Variants in SIPA1L3 observed in about 807,000 individuals in gnomAD.
SIPA1L3 encodes signal-induced proliferation-associated 1-like protein 3.
Under a neutral mutation model 150.1 loss-of-function variants are expected in SIPA1L3, and 59 were observed. That is an observed-to-expected ratio of 0.39 (90% confidence interval 0.32 to 0.49). The LOEUF is 0.49. Among genes scored for constraint, SIPA1L3 ranks in the 20% least tolerant of loss-of-function variants. SIPA1L3 has a pLI of 0.86. For missense variants in SIPA1L3, 2,211 were observed against 2,489.5 expected (o/e 0.89, Z 2.38); for synonymous variants, 1,070 against 1,077.6 (o/e 0.99, Z 0.14).
intron 1 of SIPA1L3, among the ~76,000 whole-genome samples, chr19:37,987,307 A>G (rs1411549176): frequency 6.6e-6 from 1 of 152,182 alleles, no homozygotes. Flanking sequence ...TCAAGGGCCT[A>G]GAAGTCTGCT....
intron 15 of SIPA1L3, among the ~76,000 whole-genome samples, chr19:38,178,092 TG>T: frequency 4.9e-5 from 1 of 20,414 alleles, no homozygotes; most frequent in South Asian, 1.4e-3. Context: ...TTTTGGTGTG[TG>T]TGTGTGTGTG....
At chr19:38,168,109 G>A (rs370903832) in intron 15 of SIPA1L3, among the ~76,000 whole-genome samples, 32 of 152,244 alleles carry the variant, frequency 2.1e-4, no homozygotes, top group Admixed American at 1.2e-3. Flanking sequence ...CTCCCAGGCC[G>A]GGCACGGTGG....
At chr19:38,022,527 G>A (rs1443986219) in intron 1 of SIPA1L3, among the ~76,000 whole-genome samples, 2 of 147,582 alleles carry the variant, frequency 1.4e-5, no homozygotes, top group East Asian at 2.0e-4. Context: ...GTGAAACCCC[G>A]TCTCTACTAA....
In SIPA1L3 at chr19:38,081,556, C is replaced by T. The variant is rs1230906002; in HGVS notation, c.-10C>T. ...GTACGGGGCCAGCAGCACTCCAGTG[C>T]CCGTGGACTATGACCACCTATCGGG... On this transcript the variant is annotated 5_prime_UTR_variant, in exon 3 of 22. Transcript: ENST00000222345. 1.3e-6 allele frequency: 2 copies of T among 1,567,382 alleles called. No individual in the cohort carries two copies. Among genetic ancestry groups the T allele is most frequent in the Non-Finnish European group, 1.7e-6 (2 of 1,153,168 alleles).
Position 38,130,657 on chromosome 19 carries a change from A to G in SIPA1L3, c.3028A>G (p.Ile1010Val), listed in dbSNP as rs1971287124. The change falls in exon 10 of 22, where the codon ATC (isoleucine) becomes GTC (valine). Residue 1010 changes from isoleucine (I) to valine (V), a missense_variant. Around this residue, in one of 5 missense-constraint regions of SIPA1L3, gnomAD observed 625 missense variants for 804.2 expected, o/e 0.78. Transcript: ENST00000222345. ...GLRQGSRLVE[I>V]CKVAVVTLTH... is the part of the protein sequence containing the mutation. ...CCGGCAGGGCAGCCGACTAGTGGAG[A>G]TCTGCAAGGTGGCCGTGGTCACACT... The G allele has an allele frequency of 6.2e-7, 1 of 1,613,722 alleles. No homozygotes were observed. The highest frequency in any genetic ancestry group is 8.5e-7 in the Non-Finnish European group (1 of 1,180,026).
chr19:38,084,141 T>C (rs1970070926), intron 3 of SIPA1L3, among the ~76,000 whole-genome samples: 2 of 147,800 alleles, frequency 1.4e-5, no homozygotes, highest in South Asian at 4.2e-4. Context: ...TGGTCAGCCT[T>C]AGTGCATGGC....
At chr19:38,084,577 G>T (rs1970081546) in intron 3 of SIPA1L3, among the ~76,000 whole-genome samples, 3 of 131,994 alleles carry the variant, frequency 2.3e-5, no homozygotes, top group South Asian at 2.5e-4. Context: ...AAAAGACGAA[G>T]TACTAGCAGC....
chr19:38,180,250 A>G (rs1972526251), intron 15 of SIPA1L3, among the ~76,000 whole-genome samples: 1 of 152,168 alleles, frequency 6.6e-6, no homozygotes, highest in African/African-American at 2.4e-5. Context: ...TTCCTGGTTA[A>G]CAGTTGTTTT....
intron 1 of SIPA1L3, among the ~76,000 whole-genome samples, chr19:37,989,082 T>TGCC (rs954093660): frequency 2.0e-5 from 3 of 148,334 alleles, no homozygotes; most frequent in African/African-American, 8.0e-5. Flanking sequence ...CCCAGCACGG[T>TGCC]GCCTGCCGTG....
chr19:38,041,382 G>A (rs796269099), intron 2 of SIPA1L3, among the ~76,000 whole-genome samples: 31 of 147,070 alleles, frequency 2.1e-4, no homozygotes, highest in African/African-American at 7.5e-4. Context: ...GGGTTCAAGC[G>A]ATTCTCCTGC....
intron 4 of SIPA1L3, among the ~76,000 whole-genome samples, chr19:38,091,435 CTAT>C (rs1332115801): frequency 6.6e-6 from 1 of 152,078 alleles, no homozygotes; most frequent in African/African-American, 2.4e-5. Flanking sequence ...ATTATGAAGG[CTAT>C]TATTACTGCA....
intron 16 of SIPA1L3, among the ~76,000 whole-genome samples, chr19:38,187,533 C>A (rs1332300323): frequency 6.6e-6 from 1 of 150,856 alleles, no homozygotes; most frequent in East Asian, 1.9e-4. Flanking sequence ...CTGGCTAACA[C>A]GGTGAAACCC....
At chr19:38,028,390 G>C (rs895724243) in intron 1 of SIPA1L3, among the ~76,000 whole-genome samples, 2 of 152,008 alleles carry the variant, frequency 1.3e-5, no homozygotes, top group Non-Finnish European at 2.9e-5. Flanking sequence ...CTCCACATCT[G>C]CTCCTGCCCT....
intron 15 of SIPA1L3, among the ~76,000 whole-genome samples, chr19:38,171,110 A>G (rs1469669567): frequency 6.6e-6 from 1 of 152,068 alleles, no homozygotes; most frequent in Non-Finnish European, 1.5e-5. Flanking sequence ...ACTATTTACC[A>G]TTAACAAAAA....
chr19:38,155,220 G>A (rs1423022698), intron 13 of SIPA1L3, among the ~76,000 whole-genome samples: 1 of 152,022 alleles, frequency 6.6e-6, no homozygotes, highest in Non-Finnish European at 1.5e-5. Context: ...CCACATTATG[G>A]TTTTATTTTA....
At chr19:37,960,860 A>T (rs1438050426) in intron 1 of SIPA1L3, among the ~76,000 whole-genome samples, 13 of 149,682 alleles carry the variant, frequency 8.7e-5, no homozygotes, top group East Asian at 2.0e-4. Flanking sequence ...AGCCAATTTT[A>T]AAAAAAAATA....
rs34744094 is a variant in SIPA1L3, at chr19:37,972,168, A to AGTGTGTGTGTGTGTGT, written c.-378-56898_-378-56883dup. On this transcript the variant is annotated intron_variant, in intron 1 of 21. Coordinates refer to ENST00000222345, the MANE Select transcript of SIPA1L3 (RefSeq NM_015073.3). Reference sequence around the variant, plus strand: ...TTTTAGGAATAAGGCAGAGATACCTAGTGTGTGTGTGTGTGTGTGTGTGTG... The same window carrying AGTGTGTGTGTGTGTGT: ...TTTTAGGAATAAGGCAGAGATACCTAGTGTGTGTGTGTGTGTGTGTGTGTGTGTGTGTGTGTGTGTG... Among the ~76,000 whole-genome samples, 192 of 145,038 alleles carry AGTGTGTGTGTGTGTGT rather than the reference A, an allele frequency of 1.3e-3. 1 individual carries two copies. The highest frequency in any genetic ancestry group is 4.6e-3 in the African/African-American group (180 of 39,048).
intron 1 of SIPA1L3, among the ~76,000 whole-genome samples, chr19:37,941,061 G>A (rs2046650274): frequency 7.1e-6 from 1 of 140,986 alleles, no homozygotes; most frequent in Admixed American, 7.2e-5. Flanking sequence ...TGAATTTCAG[G>A]TTTGAGATGT....
At chr19:38,011,342 G>C (rs935140381) in intron 1 of SIPA1L3, among the ~76,000 whole-genome samples, 1 of 152,136 alleles carries the variant, frequency 6.6e-6, no homozygotes, top group African/African-American at 2.4e-5. Flanking sequence ...CAGGCATGGT[G>C]ATGTGCGCCT....
Sources: allele counts gnomAD v4.1 joint callset (sites outside exome capture counted in the v4.1 genomes callset), GRCh38; gene constraint gnomAD v4.1.1; regional missense constraint gnomAD v4.1.1; transcripts MANE v1.5; gene names NCBI Gene and HGNC (gene_info 2026-07-23, HGNC 2026-07-21).